Variants in ATPSCKMT observed in about 807,000 individuals in gnomAD.
ATPSCKMT encodes ATP synthase c subunit lysine N-methyltransferase.
A neutral mutation model predicts 24.3 loss-of-function variants in ATPSCKMT; 24 were observed. The observed-to-expected ratio is 0.99, with a 90% confidence interval of 0.71 to 1.39. The LOEUF (loss-of-function observed/expected upper bound fraction) is 1.39. ATPSCKMT is among the 40% of genes most tolerant of loss of function. The pLI is 0.00. For synonymous variants in ATPSCKMT, 95 were observed against 110.5 expected (o/e 0.86, Z 0.88); for missense variants, 311 against 298.4 (o/e 1.04, Z -0.31).
chr5:10,227,379 CT>C lies in ATPSCKMT; in HGVS notation c.*61del, dbSNP rs1743927637. On this transcript the variant is annotated 3_prime_UTR_variant, in exon 5 of 5. Transcript: ENST00000511437. ...TTATGCTCCTTTGCTAAGGACACAG[CT>C]GTAAGTCTCTACAAGATCAGGGAAG... The C allele has an allele frequency of 1.3e-6, 2 of 1,541,434 alleles. No individual in the cohort carries two copies. The highest frequency in any genetic ancestry group is 1.8e-6 in the Non-Finnish European group (2 of 1,121,396).
chr5:10,235,290 A>G (rs1477686129), intron 3 of ATPSCKMT, 29 bp from the exon 4 acceptor site: 3 of 1,603,212 alleles, frequency 1.9e-6, no homozygotes, highest in Non-Finnish European at 2.6e-6. Context: ...TAATCAGTAG[A>G]TTAAGTGCAA....
chr5:10,239,285 T>C lies in ATPSCKMT; in HGVS notation c.88A>G (p.Ser30Gly), dbSNP rs377739291. ...HVLPASFEVN[S>G]LQKSNWGFLL... The stretch of plus-strand genomic sequence containing the variant: ...AACCCCCAGTTGCTTTTCTGCAAAC[T>C]GTTGACTTCAAAACTTGCAGGTAGA... The change falls in exon 2 of 5, where the codon AGT becomes GGT. Residue 30 changes from serine to glycine, a missense_variant. By Grantham distance (56) the Ser-to-Gly change is moderately conservative. Transcript: ENST00000511437. 1.2e-6 allele frequency: 2 copies of C among 1,614,206 alleles called. No individual in the cohort carries two copies. Among genetic ancestry groups the C allele is most frequent in the Non-Finnish European group, 8.5e-7 (1 of 1,180,038 alleles).
chr5:10,236,414 T>G (rs1744370824), intron 3 of ATPSCKMT, 64 bp downstream of exon 3: 1 of 1,554,894 alleles, frequency 6.4e-7, no homozygotes, highest in Non-Finnish European at 8.7e-7. Context: ...TTCTCAGTCA[T>G]ACTAATTTTG....
rs1292533823 is a variant in ATPSCKMT at position 10,225,741 on chromosome 5, G to A, written c.*1700C>T. On this transcript the variant is annotated 3_prime_UTR_variant, in exon 5 of 5. Coordinates refer to ENST00000511437, the MANE Select transcript of ATPSCKMT (RefSeq NM_199133.4). ...CACGTGGGAATTCAAGATGAGATTT[G>A]GGTAGGGACACAGCCAAACCATATC... is the stretch of plus-strand genomic sequence containing the variant. Among the ~76,000 whole-genome samples the A allele has an allele frequency of 6.6e-6, 1 of 152,046 alleles. No individual in the cohort carries two copies. The highest frequency in any genetic ancestry group is 2.4e-5 in the African/African-American group (1 of 41,388).
chr5:10,231,463 A>C (rs2126425526), intron 4 of ATPSCKMT, among the ~76,000 whole-genome samples: 1 of 151,958 alleles, frequency 6.6e-6, no homozygotes. Flanking sequence ...TGCCCTTCCA[A>C]GGGCTGGTGT....
intron 2 of ATPSCKMT, among the ~76,000 whole-genome samples, chr5:10,238,008 G>C (rs1227439009): frequency 6.6e-6 from 1 of 152,218 alleles, no homozygotes; most frequent in Admixed American, 6.5e-5. Flanking sequence ...GCCTCCCAAA[G>C]TGCTGGGATT....
intron 4 of ATPSCKMT, among the ~76,000 whole-genome samples, chr5:10,231,501 T>A (rs910224415): frequency 6.6e-6 from 1 of 151,714 alleles, no homozygotes; most frequent in South Asian, 2.1e-4. Context: ...CTCTCTGACC[T>A]CCCCACGCAC....
At chr5:10,248,018 G>C (rs961273455) in intron 1 of ATPSCKMT, among the ~76,000 whole-genome samples, 2 of 152,146 alleles carry the variant, frequency 1.3e-5, no homozygotes, top group African/African-American at 4.8e-5. Context: ...TCTTATCCAA[G>C]TTCAAGCCAA....
intron 4 of ATPSCKMT, among the ~76,000 whole-genome samples, chr5:10,234,043 C>T (rs894601602): frequency 3.6e-4 from 55 of 152,182 alleles, no homozygotes; most frequent in African/African-American, 1.2e-3. Flanking sequence ...GAACATTTTA[C>T]AAGACTGGGC....
Position 10,236,532 on chromosome 5 carries a change from A to C in ATPSCKMT, c.390T>G (p.Ala130=), listed in dbSNP as rs778605289. ...PWLVWYSRYR[A]WREGVHGSAK... is the part of the protein sequence containing the mutation. ...CAGATCCATGCACACCTTCTCGCCA[A>C]GCGCGGTATCTGGAATACCAAACTA... The change falls in exon 3 of 5, where the codon GCT becomes GCG. Residue 130 remains alanine, a synonymous_variant. Coordinates refer to ENST00000511437, the MANE Select transcript of ATPSCKMT (RefSeq NM_199133.4). The C allele has an allele frequency of 6.2e-7, 1 of 1,614,248 alleles. No individual in the cohort carries two copies. Among genetic ancestry groups the C allele is most frequent in the Non-Finnish European group, 8.5e-7 (1 of 1,180,044 alleles).
At chr5:10,228,009 T>C (rs1743960987) in intron 4 of ATPSCKMT, among the ~76,000 whole-genome samples, 1 of 152,228 alleles carries the variant, frequency 6.6e-6, no homozygotes, top group Non-Finnish European at 1.5e-5. Context: ...TAAGACATTA[T>C]TTTTCCACCA....
intron 4 of ATPSCKMT, among the ~76,000 whole-genome samples, chr5:10,227,983 C>T (rs1005168560): frequency 6.6e-6 from 1 of 152,180 alleles, no homozygotes; most frequent in African/African-American, 2.4e-5. Flanking sequence ...CTTCAATATA[C>T]CTAGTCTCAT....
chr5:10,237,487 G>A (rs1311653912), intron 2 of ATPSCKMT, among the ~76,000 whole-genome samples: 4 of 152,188 alleles, frequency 2.6e-5, no homozygotes, highest in African/African-American at 9.7e-5. Flanking sequence ...ATGGGGGCAG[G>A]TCTTTCCCAT....
intron 4 of ATPSCKMT, among the ~76,000 whole-genome samples, chr5:10,233,037 G>A (rs1744221620): frequency 1.3e-5 from 2 of 152,164 alleles, no homozygotes; most frequent in South Asian, 4.1e-4. Context: ...CTCTGATTTT[G>A]AGCTACAACC....
At chr5:10,228,784 A>C (rs1579417510) in intron 4 of ATPSCKMT, among the ~76,000 whole-genome samples, 1 of 151,764 alleles carries the variant, frequency 6.6e-6, no homozygotes, top group East Asian at 1.9e-4. Flanking sequence ...GACTCAAATC[A>C]TCCTCCCACC....
intron 4 of ATPSCKMT, among the ~76,000 whole-genome samples, chr5:10,229,496 G>A (rs7716217): frequency 0.12 from 17,675 of 152,104 alleles, 1,208 homozygotes; most frequent in Admixed American, 0.15. Context: ...GGTGGGATCC[G>A]GTGTCTCCAT....
chr5:10,233,732 C>T (rs971288868), intron 4 of ATPSCKMT, among the ~76,000 whole-genome samples: 2 of 152,124 alleles, frequency 1.3e-5, no homozygotes, highest in African/African-American at 4.8e-5. Context: ...CTCTCCACAA[C>T]GCATGGAATT....
In ATPSCKMT at chr5:10,227,310, G is replaced by A. The variant is rs987871412; in HGVS notation, c.*131C>T. 5 of 934,692 alleles carry A rather than the reference G, an allele frequency of 5.3e-6. No homozygotes were observed. The highest frequency in any genetic ancestry group is 5.5e-5 in the Admixed American group (2 of 36,598). The allele number at this position is 934,692 out of a possible 1,614,324, so 57.9% of individuals were successfully genotyped here. On this transcript the variant is annotated 3_prime_UTR_variant, in exon 5 of 5. Coordinates refer to ENST00000511437, the MANE Select transcript of ATPSCKMT (RefSeq NM_199133.4). The stretch of plus-strand genomic sequence containing the variant: ...TTTTCTTCGTTTGTTTTCTCCAACA[G>A]TTAAGGAAAGTAATAGTAATTTCTC...
At chr5:10,247,868 A>C (rs949553719) in intron 1 of ATPSCKMT, among the ~76,000 whole-genome samples, 6 of 152,168 alleles carry the variant, frequency 3.9e-5, no homozygotes, top group Non-Finnish European at 5.9e-5. Context: ...TCAAACACAG[A>C]ATGAGGTTAA....
Sources: gnomAD v4.1 joint callset for allele counts (sites outside exome capture counted in the v4.1 genomes callset) on GRCh38, gnomAD v4.1.1 for gene constraint, MANE v1.5 for transcripts, NCBI Gene and HGNC (gene_info 2026-07-23, HGNC 2026-07-21) for gene names.